The following SPATA6 variants were observed in gnomAD, a reference collection of about 807,000 sequenced individuals.
SPATA6 encodes spermatogenesis associated 6, also known as spermatogenesis-associated protein 6.
A neutral mutation model predicts 65.3 loss-of-function variants in SPATA6; 56 were observed. The observed-to-expected ratio is 0.86, with a 90% CI of 0.69 to 1.07. SPATA6 has a LOEUF of 1.07. Ranked by LOEUF, SPATA6 falls within the 50% of genes least tolerant of loss-of-function variation. SPATA6 has a pLI of 0.00. For missense variants in SPATA6, 590 were observed against 594.8 expected, an observed-to-expected ratio of 0.99 and a Z score of 0.08; for synonymous variants, 199 against 213.2, an observed-to-expected ratio of 0.93 and a Z score of 0.58.
At chr1:48,293,909 G>A (rs902978482), downstream of SPATA6, among the ~76,000 whole-genome samples, 1 of 152,124 alleles carries the variant, frequency 6.6e-6, no homozygotes, top group African/African-American at 2.4e-5. Context: ...GGAATATTTT[G>A]CGAATGGGTG....
At chr1:48,400,196 G>T (rs1436918322) in intron 6 of SPATA6, among the ~76,000 whole-genome samples, 1 of 151,730 alleles carries the variant, frequency 6.6e-6, no homozygotes, top group Non-Finnish European at 1.5e-5. Flanking sequence ...TATTTGGATT[G>T]TAATACACAC....
intron 11 of SPATA6, among the ~76,000 whole-genome samples, chr1:48,319,516 C>A (rs1243653095): frequency 1.3e-5 from 2 of 151,888 alleles, no homozygotes; most frequent in Non-Finnish European, 2.9e-5. Context: ...TAAGAGAGCA[C>A]AATGAAATTC....
intron 1 of SPATA6, among the ~76,000 whole-genome samples, chr1:48,460,770 AAG>A (rs1657371272): frequency 6.6e-6 from 1 of 152,184 alleles, no homozygotes; most frequent in Non-Finnish European, 1.5e-5. Context: ...GATATTTAAA[AAG>A]AGAGACTAAA....
chr1:48,459,548 A>G (rs896857934), intron 1 of SPATA6, among the ~76,000 whole-genome samples: 3 of 152,206 alleles, frequency 2.0e-5, no homozygotes, highest in African/African-American at 7.2e-5. Context: ...TAACAAAAAT[A>G]AGCAGTCAAG....
intron 3 of SPATA6, among the ~76,000 whole-genome samples, chr1:48,445,348 A>C (rs963779796): frequency 7.2e-5 from 11 of 152,114 alleles, no homozygotes; most frequent in African/African-American, 2.7e-4. Context: ...CCCTTCCATT[A>C]CAGATCTACG....
intron 9 of SPATA6, 115 bp downstream of exon 9, chr1:48,385,194 C>A: frequency 1.1e-6 from 1 of 937,188 alleles, no homozygotes; most frequent in Non-Finnish European, 1.5e-6. Flanking sequence ...ATTGTTTTTA[C>A]ATTTTTTACT....
chr1:48,355,580 C>T lies in SPATA6; in HGVS notation c.1194+90G>A, dbSNP rs116718418. 442 of 882,074 alleles carry T rather than the reference C, an allele frequency of 5.0e-4. 3 individuals are homozygous for T. The African/African-American group carries it at 6.8e-3, about 13-fold the overall frequency. 54.6% of individuals were successfully genotyped at this position (882,074 alleles called of 1,614,324 possible). The stretch of plus-strand genomic sequence containing the variant: ...CTTGCTTGCTTTCTTTTTTTCTTCC[C>T]GGTGACTAAATTTTGTAAGCTTTAG... On this transcript the variant is annotated intron_variant, in intron 11 of 12. Coordinates refer to ENST00000371847, the MANE Select transcript of SPATA6 (RefSeq NM_019073.4).
chr1:48,263,348 T>G, the SPATA6 span, among the ~76,000 whole-genome samples: 1 of 152,144 alleles, frequency 6.6e-6, no homozygotes, highest in Non-Finnish European at 1.5e-5. Context: ...ATGAGATCTT[T>G]AAGATGGATC....
chr1:48,447,390 G>A (rs539233927), intron 3 of SPATA6, among the ~76,000 whole-genome samples: 1 of 152,056 alleles, frequency 6.6e-6, no homozygotes, highest in East Asian at 1.9e-4. Context: ...ATGGTGTCAC[G>A]CACCTGTAGT....
At chr1:48,275,457 T>A in the SPATA6 span, among the ~76,000 whole-genome samples, 1 of 152,206 alleles carries the variant, frequency 6.6e-6, no homozygotes, top group Non-Finnish European at 1.5e-5. Flanking sequence ...GCCCATTCAG[T>A]ATGATATTGG....
At chr1:48,325,056 C>T (rs1021432253) in intron 11 of SPATA6, 4 of 340,196 alleles carry the variant, frequency 1.2e-5, no homozygotes, top group Non-Finnish European at 2.3e-5. Flanking sequence ...CCCAATCCCA[C>T]ATTTCTCCAT....
chr1:48,371,923 A>G (rs1413979475), intron 9 of SPATA6, among the ~76,000 whole-genome samples: 1 of 152,150 alleles, frequency 6.6e-6, no homozygotes, highest in African/African-American at 2.4e-5. Flanking sequence ...ATTTACTATC[A>G]TGAGAGCAGC....
In SPATA6 at chr1:48,472,176, C is replaced by G. The variant is rs576736874; in HGVS notation, c.-168G>C. ...AGCCTGGGTTCCGCCGGAGAAGCAG[C>G]TGAGCGCGGGGCGCAGACTCGTTGT... is the stretch of plus-strand genomic sequence containing the variant. On this transcript the variant is annotated 5_prime_UTR_variant, in exon 1 of 13. Coordinates refer to ENST00000371847, the MANE Select transcript of SPATA6 (RefSeq NM_019073.4). 2 of 555,250 alleles carry G rather than the reference C, an allele frequency of 3.6e-6. No individual in the cohort carries two copies. The highest frequency in any genetic ancestry group is 6.1e-6 in the Non-Finnish European group (2 of 326,720). The allele number at this position is 555,250 out of a possible 1,614,324, so 34.4% of individuals were successfully genotyped here. A position where few individuals can be genotyped will look rare whatever the true frequency, so the allele number is the denominator to read the frequency against.
chr1:48,372,662 C>T (rs1647417785), intron 9 of SPATA6, among the ~76,000 whole-genome samples: 1 of 152,238 alleles, frequency 6.6e-6, no homozygotes, highest in African/African-American at 2.4e-5. Context: ...TGCCTTAGCA[C>T]AAGTTCTCCA....
chr1:48,455,875 A>C (rs916583036), intron 1 of SPATA6, among the ~76,000 whole-genome samples: 3 of 152,154 alleles, frequency 2.0e-5, no homozygotes, highest in African/African-American at 4.8e-5. Flanking sequence ...AAATTCTGCT[A>C]TCTCTTAAAA....
intron 11 of SPATA6, among the ~76,000 whole-genome samples, chr1:48,335,161 T>A (rs1646025467): frequency 6.6e-6 from 1 of 152,066 alleles, no homozygotes; most frequent in South Asian, 2.1e-4. Flanking sequence ...GAAAATTCCA[T>A]GCTCATGGAT....
intron 9 of SPATA6, among the ~76,000 whole-genome samples, chr1:48,384,137 C>T (rs1317464045): frequency 6.7e-6 from 1 of 150,152 alleles, no homozygotes; most frequent in African/African-American, 2.5e-5. Context: ...AGCTGGAGAC[C>T]AGCCCGGCCA....
chr1:48,457,762 T>G (rs141682307), intron 1 of SPATA6, among the ~76,000 whole-genome samples: 120 of 152,166 alleles, frequency 7.9e-4, no homozygotes, highest in African/African-American at 2.8e-3. Flanking sequence ...ATCTTTCAGG[T>G]TGAACTGAAA....
chr1:48,302,710 C>T (rs867655032), intron 12 of SPATA6, among the ~76,000 whole-genome samples: 13 of 152,276 alleles, frequency 8.5e-5, no homozygotes, highest in Middle Eastern at 3.4e-3. Context: ...AGGGCCTTCA[C>T]CAATATCTCT....
Sources: gnomAD v4.1 joint callset for allele counts (sites outside exome capture counted in the v4.1 genomes callset) on GRCh38, gnomAD v4.1.1 for gene constraint, MANE v1.5 for transcripts, NCBI Gene and HGNC (gene_info 2026-07-23, HGNC 2026-07-21) for gene names.